Variants in DLG2 observed in about 807,000 individuals in gnomAD.
The protein encoded by DLG2 is discs large MAGUK scaffold protein 2, also known as disks large homolog 2.
A neutral mutation model predicts 132.5 loss-of-function variants in DLG2; 45 were observed. The ratio of observed to expected loss-of-function variants is 0.34; its 90% CI spans 0.27 to 0.44. The LOEUF is 0.44. DLG2 is among the 20% of genes least tolerant of loss of function. The pLI is 1.00. For missense variants in DLG2, 1,045 were observed against 1,196.9 expected (o/e 0.87, Z 1.87); for synonymous variants, 424 against 419.6 (o/e 1.01, Z -0.13).
intron 21 of DLG2, among the ~76,000 whole-genome samples, chr11:83,488,765 T>C (rs762084933): frequency 2.0e-5 from 3 of 152,002 alleles, no homozygotes; most frequent in East Asian, 1.9e-4. Context: ...TATTTTCCTC[T>C]CCTTGTTTCT....
At chr11:85,377,477 T>A (rs905190242) in intron 3 of DLG2, among the ~76,000 whole-genome samples, 1 of 152,034 alleles carries the variant, frequency 6.6e-6, no homozygotes, top group African/African-American at 2.4e-5. Flanking sequence ...GTCTAAAAAT[T>A]CAGATTATAC....
intron 26 of DLG2, among the ~76,000 whole-genome samples, chr11:83,462,430 C>A (rs1404231972): frequency 1.3e-5 from 2 of 152,158 alleles, no homozygotes; most frequent in Admixed American, 1.3e-4. Context: ...TTAAGTGTGT[C>A]TTGAGGCTTC....
intron 6 of DLG2, among the ~76,000 whole-genome samples, chr11:84,692,612 A>C (rs2058172745): frequency 6.6e-6 from 1 of 151,766 alleles, no homozygotes; most frequent in Non-Finnish European, 1.5e-5. Context: ...ACAAATAATT[A>C]AGCATATAAA....
chr11:84,848,048 G>A (rs954085489), intron 6 of DLG2, among the ~76,000 whole-genome samples: 2 of 152,132 alleles, frequency 1.3e-5, no homozygotes, highest in East Asian at 3.9e-4. Flanking sequence ...GTGAAAATGA[G>A]TCAGAGGATG....
intron 2 of DLG2, among the ~76,000 whole-genome samples, chr11:85,610,686 T>C (rs985572552): frequency 6.6e-6 from 1 of 152,224 alleles, no homozygotes; most frequent in Non-Finnish European, 1.5e-5. Context: ...TCTAGATCTC[T>C]TGAACTTTCT....
intron 13 of DLG2, among the ~76,000 whole-genome samples, chr11:83,963,775 G>A (rs2154158132): frequency 6.6e-6 from 1 of 152,030 alleles, no homozygotes; most frequent in East Asian, 1.9e-4. Context: ...AACATAGGCT[G>A]TGCTTCCTGA....
intron 6 of DLG2, among the ~76,000 whole-genome samples, chr11:84,562,998 C>T (rs756503273): frequency 7.9e-5 from 12 of 152,140 alleles, no homozygotes; most frequent in Admixed American, 2.6e-4. Context: ...GTGATCCTCT[C>T]GCCTCAGCCT....
Position 83,797,140 on chromosome 11 carries a change from C to T in DLG2, c.1723-10348G>A, listed in dbSNP as rs145587851. On this transcript the variant is annotated intron_variant, in intron 17 of 27. Transcript: ENST00000376104. ...AGGGCTGGAGGTGAGAGAGGGCCTG[C>T]ACATCTGAAGAACAGGAAGCAGTTG... is the stretch of plus-strand genomic sequence containing the variant. 6.1e-3 allele frequency among the ~76,000 whole-genome samples: 929 copies of T among 151,850 alleles called. 8 individuals carry two copies. The highest frequency in any genetic ancestry group is 0.021 in the Middle Eastern group (6 of 292).
intron 7 of DLG2, among the ~76,000 whole-genome samples, chr11:84,273,973 G>C (rs780026327): frequency 2.0e-4 from 30 of 152,070 alleles, no homozygotes; most frequent in Non-Finnish European, 2.8e-4. Context: ...TTGAAGAAAA[G>C]TCACTTTTAT....
intron 9 of DLG2, among the ~76,000 whole-genome samples, chr11:84,120,263 G>A (rs2093843190): frequency 6.6e-6 from 1 of 152,054 alleles, no homozygotes; most frequent in South Asian, 2.1e-4. Flanking sequence ...ATACCAGTAT[G>A]CAACCTGAAA....
At chr11:84,052,914 G>T (rs1018690615) in intron 11 of DLG2, among the ~76,000 whole-genome samples, 3 of 152,020 alleles carry the variant, frequency 2.0e-5, no homozygotes, top group Non-Finnish European at 4.4e-5. Flanking sequence ...CCACCACAGG[G>T]TATATACCCA....
At chr11:84,626,680 G>A (rs1291432817) in intron 6 of DLG2, among the ~76,000 whole-genome samples, 2 of 152,108 alleles carry the variant, frequency 1.3e-5, no homozygotes, top group African/African-American at 4.8e-5. Flanking sequence ...GAAACACAAA[G>A]TTAGCTCTGC....
intron 6 of DLG2, among the ~76,000 whole-genome samples, chr11:84,825,636 A>G (rs1354759366): frequency 1.3e-5 from 2 of 151,948 alleles, no homozygotes; most frequent in East Asian, 3.9e-4. Context: ...TCATCCAGAG[A>G]TATCCTCACT....
intron 9 of DLG2, among the ~76,000 whole-genome samples, chr11:84,151,113 T>C (rs1051488911): frequency 2.0e-5 from 3 of 151,990 alleles, no homozygotes; most frequent in Non-Finnish European, 4.4e-5. Flanking sequence ...CAGGATGACG[T>C]TGGCTTTGTA....
At chr11:83,698,805 C>A (rs1285038719) in intron 18 of DLG2, among the ~76,000 whole-genome samples, 1 of 150,928 alleles carries the variant, frequency 6.6e-6, no homozygotes, top group Non-Finnish European at 1.5e-5. Flanking sequence ...CTTCCACATC[C>A]TATGTTACCT....
At chr11:85,514,207 CA>C (rs2153164595) in intron 3 of DLG2, among the ~76,000 whole-genome samples, 1 of 152,088 alleles carries the variant, frequency 6.6e-6, no homozygotes, top group South Asian at 2.1e-4. Flanking sequence ...TTAATCCTCA[CA>C]TCAACTTTGT....
At chr11:85,468,944 C>G (rs2092897029) in intron 3 of DLG2, among the ~76,000 whole-genome samples, 1 of 152,066 alleles carries the variant, frequency 6.6e-6, no homozygotes, top group Non-Finnish European at 1.5e-5. Flanking sequence ...AAGCATGAGC[C>G]ACTGTTCCCT....
intron 3 of DLG2, among the ~76,000 whole-genome samples, chr11:85,447,991 C>T (rs983314506): frequency 2.6e-5 from 4 of 152,108 alleles, no homozygotes; most frequent in African/African-American, 9.7e-5. Context: ...ATGGACAGAT[C>T]GTTGACCTTA....
At chr11:84,828,819 G>A (rs2078659944) in intron 6 of DLG2, among the ~76,000 whole-genome samples, 1 of 151,756 alleles carries the variant, frequency 6.6e-6, no homozygotes, top group South Asian at 2.1e-4. Context: ...ATCATTTATT[G>A]TACGGCTATG....
Sources: gnomAD v4.1 joint callset for allele counts (sites outside exome capture counted in the v4.1 genomes callset) on GRCh38, gnomAD v4.1.1 for gene constraint, MANE v1.5 for transcripts, NCBI Gene and HGNC (gene_info 2026-07-23, HGNC 2026-07-21) for gene names.